Variants in EFCAB13 observed in about 807,000 individuals in gnomAD.
The protein encoded by EFCAB13 is EF-hand calcium binding domain 13.
Under a neutral mutation model 110.2 loss-of-function variants are expected in EFCAB13, and 91 were observed. The ratio of observed to expected loss-of-function variants is 0.83; its 90% CI spans 0.70 to 0.98. The LOEUF is 0.98. Among genes scored for constraint, EFCAB13 ranks in the 50% least tolerant of loss-of-function variants. The probability of loss-of-function intolerance (pLI) is 0.00; values close to 1 mark genes in which losing one functional copy is unlikely to be tolerated. For missense variants in EFCAB13, 968 were observed against 1,119.4 expected (o/e 0.86, Z 1.93); for synonymous variants, 323 against 369.9 (o/e 0.87, Z 1.45).
chr17:47,383,333 G>A (rs2065657333), intron 14 of EFCAB13, among the ~76,000 whole-genome samples: 1 of 151,980 alleles, frequency 6.6e-6, no homozygotes, highest in Admixed American at 6.6e-5. Context: ...ATTTGAATTT[G>A]TTTGCTCTTG....
At chr17:47,414,977 A>G (rs1198293886) in intron 23 of EFCAB13, 58 bp downstream of exon 23, 7 of 1,297,652 alleles carry the variant, frequency 5.4e-6, no homozygotes, top group Non-Finnish European at 7.6e-6. Flanking sequence ...TAAAAATGAC[A>G]TTTAAAAATG....
intron 17 of EFCAB13, among the ~76,000 whole-genome samples, chr17:47,396,695 ACTGT>A (rs1345808434): frequency 3.3e-5 from 5 of 152,330 alleles, no homozygotes; most frequent in Middle Eastern, 3.4e-3. Flanking sequence ...TTGTCAAAGA[ACTGT>A]CTTTTTCTGT....
At chr17:47,330,053 G>A (rs967124138) in intron 4 of EFCAB13, 1 of 152,032 alleles carries the variant, frequency 6.6e-6, no homozygotes, top group African/African-American at 2.4e-5. Context: ...GGTCACCTTT[G>A]GGTTCAAAGA....
chr17:47,333,067 C>T (rs1304244590), intron 4 of EFCAB13, among the ~76,000 whole-genome samples: 1 of 152,182 alleles, frequency 6.6e-6, no homozygotes, highest in East Asian at 1.9e-4. Context: ...TCCTTGCCAA[C>T]ACTTGTTATC....
At chr17:47,328,236 G>C (rs756925118) in intron 3 of EFCAB13, 33 bp from the exon 4 acceptor site, 2 of 887,178 alleles carry the variant, frequency 2.3e-6, no homozygotes, top group Non-Finnish European at 3.8e-6. Flanking sequence ...TTCTAAACAA[G>C]CGTATGATTT....
chr17:47,367,790 G>A (rs959238084), intron 10 of EFCAB13, among the ~76,000 whole-genome samples: 3 of 152,146 alleles, frequency 2.0e-5, no homozygotes, highest in African/African-American at 4.8e-5. Context: ...TCAAGAAAAG[G>A]TGGATGCGTG....
chr17:47,386,228 G>A (rs887128523), intron 14 of EFCAB13, among the ~76,000 whole-genome samples: 12 of 152,196 alleles, frequency 7.9e-5, no homozygotes, highest in South Asian at 2.1e-4. Context: ...TTTAAAGTCC[G>A]CTGAAGTTGT....
chr17:47,357,477 G>A (rs966881071), intron 9 of EFCAB13, among the ~76,000 whole-genome samples: 9 of 152,224 alleles, frequency 5.9e-5, no homozygotes, highest in Non-Finnish European at 1.0e-4. Context: ...GTGCAATGGC[G>A]CGATCTCGCT....
At chr17:47,408,898 A>G (rs1484379238) in intron 20 of EFCAB13, among the ~76,000 whole-genome samples, 1 of 152,162 alleles carries the variant, frequency 6.6e-6, no homozygotes, top group African/African-American at 2.4e-5. Context: ...AGGTTCAGCA[A>G]TCCTGTTTAG....
intron 10 of EFCAB13, among the ~76,000 whole-genome samples, chr17:47,364,497 G>A (rs1471022383): frequency 1.3e-5 from 2 of 152,076 alleles, no homozygotes; most frequent in Non-Finnish European, 2.9e-5. Flanking sequence ...ATTTTTAGTA[G>A]AGACAGGGTT....
intron 5 of EFCAB13, among the ~76,000 whole-genome samples, chr17:47,341,021 A>C (rs1476565803): frequency 6.6e-6 from 1 of 151,964 alleles, no homozygotes; most frequent in Non-Finnish European, 1.5e-5. Context: ...CACCACCTAG[A>C]GAGTGGTTTT....
intron 10 of EFCAB13, among the ~76,000 whole-genome samples, chr17:47,368,329 C>T (rs1173393846): frequency 6.6e-6 from 1 of 152,104 alleles, no homozygotes; most frequent in Non-Finnish European, 1.5e-5. Context: ...TTGGAACATT[C>T]GTGTCTATTG....
chr17:47,401,141 G>A (rs1371096730), intron 17 of EFCAB13, among the ~76,000 whole-genome samples: 1 of 152,214 alleles, frequency 6.6e-6, no homozygotes, highest in Non-Finnish European at 1.5e-5. Flanking sequence ...TTACTCTAGA[G>A]AATAGTTCCT....
At chr17:47,351,304 T>TGTGTGTGTGTGTGCGCGCGCGC (rs1280645583) in intron 9 of EFCAB13, among the ~76,000 whole-genome samples, 3 of 122,978 alleles carry the variant, frequency 2.4e-5, no homozygotes, top group Non-Finnish European at 3.7e-5. Flanking sequence ...TGTGTGTGTG[T>TGTGTGTGTGTGTGCGCGCGCGC]GCGCGCGCGC....
intron 4 of EFCAB13, chr17:47,329,753 G>A (rs982225580): frequency 1.3e-5 from 2 of 151,900 alleles, no homozygotes; most frequent in African/African-American, 2.4e-5. Context: ...TTGGTAACAG[G>A]TTTTTCTGTC....
chr17:47,402,258 T>G lies in EFCAB13; in HGVS notation c.2017+55T>G. On this transcript the variant is annotated intron_variant, in intron 18 of 24. Transcript: ENST00000331493. ...ATTTACTTTTATTGAAAGGACTTGCTTTTGTTTTTGTTTTTAATGCTGTGT... is the reference window on the plus strand; with the variant it reads ...ATTTACTTTTATTGAAAGGACTTGCGTTTGTTTTTGTTTTTAATGCTGTGT... 2.7e-6 allele frequency: 4 copies of G among 1,501,872 alleles called. No individual in the cohort carries two copies. In the South Asian group the frequency reaches 3.4e-5, roughly 13 times the overall value. The allele number at this position is 1,501,872 out of a possible 1,614,324, so 93.0% of individuals were successfully genotyped here.
intron 14 of EFCAB13, among the ~76,000 whole-genome samples, chr17:47,384,012 G>A (rs1342777365): frequency 1.3e-5 from 2 of 152,082 alleles, no homozygotes; most frequent in African/African-American, 4.8e-5. Context: ...TTTATGAATC[G>A]GGGTACTCCT....
intron 20 of EFCAB13, among the ~76,000 whole-genome samples, chr17:47,405,399 A>T (rs1440542703): frequency 6.6e-6 from 1 of 152,124 alleles, no homozygotes; most frequent in East Asian, 1.9e-4. Context: ...ACCCTCCTAA[A>T]GATTTGTGGA....
At position 47,403,959 on chromosome 17, in the gene EFCAB13, A is replaced by G. The variant is rs1248363189; in HGVS notation, c.2099A>G (p.Asn700Ser). 1.2e-6 allele frequency: 2 copies of G among 1,611,828 alleles called. No homozygotes were observed. The highest frequency in any genetic ancestry group is 1.7e-6 in the Non-Finnish European group (2 of 1,178,864). Residue 700 changes from asparagine (N) to serine (S), a missense_variant, in exon 19 of 25, where the codon AAT becomes AGT. Physicochemically the swap from Asn to Ser is conservative, Grantham distance 46. Coordinates refer to ENST00000331493, the MANE Select transcript of EFCAB13 (RefSeq NM_152347.5). ...AGKNLEDFLR[N>S]VGIKSPKEEV... ...AAGAACTTGGAAGACTTTCTAAGAA[A>G]TGTTGGGATTAAGTCACCTAAAGAA...
Sources: gnomAD v4.1 joint callset for allele counts (sites outside exome capture counted in the v4.1 genomes callset) on GRCh38, gnomAD v4.1.1 for gene constraint, MANE v1.5 for transcripts, NCBI Gene and HGNC (gene_info 2026-07-23, HGNC 2026-07-21) for gene names.